Variants in RASGRF1 observed in about 807,000 individuals in gnomAD.
RASGRF1 encodes the protein Ras protein specific guanine nucleotide releasing factor 1.
A neutral mutation model predicts 138.7 loss-of-function variants in RASGRF1; 40 were observed. The observed-to-expected ratio is 0.29, with a 90% confidence interval of 0.22 to 0.38. The LOEUF is 0.38. Among genes scored for constraint, RASGRF1 ranks in the 10% least tolerant of loss-of-function variants. The pLI, the probability that RASGRF1 is intolerant of heterozygous loss-of-function variation, is 1.00. For missense variants in RASGRF1, 1,108 were observed against 1,650.4 expected, an observed-to-expected ratio of 0.67 and a Z score of 5.69; for synonymous variants, 614 against 663.2, an observed-to-expected ratio of 0.93 and a Z score of 1.14.
intron 1 of RASGRF1, 109 bp from the exon 2 acceptor site, chr15:79,064,635 G>C: frequency 1.0e-6 from 1 of 986,010 alleles, no homozygotes; most frequent in South Asian, 1.3e-5. Context: ...ACATCAGCTA[G>C]GCACAGATTC....
intron 26 of RASGRF1, among the ~76,000 whole-genome samples, chr15:78,970,461 C>A (rs964658381): frequency 2.0e-5 from 3 of 151,766 alleles, no homozygotes; most frequent in Admixed American, 1.3e-4. Context: ...ATTACATAAC[C>A]TCCTTTCAGG....
intron 1 of RASGRF1, 21 bp from the exon 2 acceptor site, chr15:79,064,547 C>G (rs749382661): frequency 1.2e-6 from 2 of 1,605,694 alleles, no homozygotes; most frequent in East Asian, 4.5e-5. Flanking sequence ...AAGAAGACAT[C>G]TCCAATTACC....
chr15:79,058,633 A>G lies in RASGRF1; in HGVS notation c.384-152T>C, dbSNP rs565693250. On this transcript the variant is annotated intron_variant, in intron 2 of 26. Coordinates refer to ENST00000558480, the MANE Select transcript of RASGRF1 (RefSeq NM_001145648.3). ...ACCCTGCAGAGTGAGAGGGCTTGGC[A>G]GGGTAGAGGTGGGGGCAGTCCAGGC... is the stretch of plus-strand genomic sequence containing the variant. The G allele has an allele frequency of 2.9e-5, 31 of 1,067,830 alleles. No homozygotes were observed. The African/African-American group carries it at 4.9e-4, about 17-fold the overall frequency. 66.1% of individuals were successfully genotyped at this position (1,067,830 alleles called of 1,614,324 possible).
In RASGRF1 at chr15:79,019,114, G is replaced by A. The variant is rs562314953; in HGVS notation, c.1606+927C>T. Among the ~76,000 whole-genome samples, 6 of 152,114 alleles carry A rather than the reference G, an allele frequency of 3.9e-5. No individual in the cohort carries two copies. The East Asian group carries it at 1.2e-3, about 29-fold the overall frequency. ...CAAGCGTGTGTGTGGCAACCCCCAGGCCCATGCCCATCCCCATGCCATGCT... is the reference window on the plus strand; with the variant it reads ...CAAGCGTGTGTGTGGCAACCCCCAGACCCATGCCCATCCCCATGCCATGCT... On this transcript the variant is annotated intron_variant, in intron 11 of 26. Coordinates refer to ENST00000558480, the MANE Select transcript of RASGRF1 (RefSeq NM_001145648.3).
At chr15:78,979,014 C>CGGT (rs1567437901) in intron 24 of RASGRF1, 5 of 1,293,504 alleles carry the variant, frequency 3.9e-6, no homozygotes, top group Non-Finnish European at 5.0e-6. Context: ...GTGGAGGCAG[C>CGGT]GGTGGTGGCG....
chr15:79,022,854 G>T (rs2056980774), intron 10 of RASGRF1, among the ~76,000 whole-genome samples: 1 of 152,206 alleles, frequency 6.6e-6, no homozygotes, highest in Admixed American at 6.5e-5. Flanking sequence ...TGGAAGAATG[G>T]TTTATCTGAT....
rs191823679 is a variant in RASGRF1, at chr15:78,989,853, A to G, written c.3216+336T>C. On this transcript the variant is annotated intron_variant, in intron 22 of 26. Transcript: ENST00000558480. ...TTCCCTTCTGTTCTCTTTGCCACAGACTCCGCAAAAACCCTGCTCCGAGGA... is the reference window on the plus strand; with the variant it reads ...TTCCCTTCTGTTCTCTTTGCCACAGGCTCCGCAAAAACCCTGCTCCGAGGA... 1.8e-4 allele frequency among the ~76,000 whole-genome samples: 28 copies of G among 152,114 alleles called. 1 individual carries two copies. The highest frequency in any genetic ancestry group is 1.6e-3 in the Admixed American group (25 of 15,282).
In RASGRF1 at chr15:79,027,955, C is replaced by G. The variant is rs530586272; in HGVS notation, c.1263-96G>C. ...CTTCTGGCCAGACCTAGGAAGAAAG[C>G]CTGGCACAAGGATTCTCAGGTGGAG... On this transcript the variant is annotated intron_variant, in intron 8 of 26. Transcript: ENST00000558480. The surrounding 1 kb of genome is among the most constrained non-coding windows in gnomAD (Gnocchi z 4.8). The G allele has an allele frequency of 8.0e-7, 1 of 1,253,510 alleles. No homozygotes were observed. The highest frequency in any genetic ancestry group is 1.7e-5 in the Admixed American group (1 of 57,208). The allele number at this position is 1,253,510 out of a possible 1,614,324, so 77.6% of individuals were successfully genotyped here.
intron 3 of RASGRF1, among the ~76,000 whole-genome samples, chr15:79,057,683 A>G (rs2057528828): frequency 2.6e-5 from 4 of 152,208 alleles, no homozygotes; most frequent in Admixed American, 2.6e-4. Context: ...CTGGGCTGTT[A>G]AACTGTAGAT....
intron 13 of RASGRF1, among the ~76,000 whole-genome samples, chr15:79,013,454 T>C (rs2056830988): frequency 6.6e-6 from 1 of 152,266 alleles, no homozygotes; most frequent in Admixed American, 6.5e-5. Context: ...TCATCAGACT[T>C]GACTTCAGAG....
At chr15:78,988,099 A>G (rs2056198651) in intron 22 of RASGRF1, among the ~76,000 whole-genome samples, 1 of 152,260 alleles carries the variant, frequency 6.6e-6, no homozygotes, top group African/African-American at 2.4e-5. Flanking sequence ...CCAGGTCGTT[A>G]CAAGGGCAGC....
intron 16 of RASGRF1, 83 bp from the exon 17 acceptor site, chr15:78,999,996 G>A (rs531344727): frequency 6.8e-7 from 1 of 1,470,706 alleles, no homozygotes; most frequent in Admixed American, 1.8e-5. Flanking sequence ...CCCGAGGCTA[G>A]AGCAGCCTTA....
chr15:79,090,184 C>G, intron 1 of RASGRF1, 39 bp downstream of exon 1: 1 of 1,547,748 alleles, frequency 6.5e-7, no homozygotes, highest in Non-Finnish European at 8.7e-7. Flanking sequence ...AGGGCCGCGG[C>G]CGGGACGCAG....
rs7166598 is a variant in RASGRF1, at chr15:79,050,327, T to C, written c.532-739A>G. Among the ~76,000 whole-genome samples, 44,787 of 152,164 alleles carry C rather than the reference T, an allele frequency of 0.29. 6,794 individuals carry two copies. The highest frequency in any genetic ancestry group is 0.38 in the Middle Eastern group (112 of 294). The stretch of plus-strand genomic sequence containing the variant: ...CTTCCATGTTGCAGCGTGGGTCAAT[T>C]TCCTTCCCTTTCAAGGCCAAGCAAT... On this transcript the variant is annotated intron_variant, in intron 3 of 26. Transcript: ENST00000558480. This position sits in a 1 kb window ranked among gnomAD's most constrained non-coding sequence, Gnocchi z 4.1.
rs1168859486 is a variant in RASGRF1, at chr15:79,059,475, A to T, written c.384-994T>A. Among the ~76,000 whole-genome samples the T allele has an allele frequency of 2.0e-5, 3 of 147,828 alleles. No homozygotes were observed. In the East Asian group the frequency reaches 6.0e-4, roughly 30 times the overall value. On this transcript the variant is annotated intron_variant, in intron 2 of 26. Coordinates refer to ENST00000558480, the MANE Select transcript of RASGRF1 (RefSeq NM_001145648.3). ...TTCTATCCCCCCTCGTGCAGGTGCA[A>T]TCTTTACAGACTCACAGACTCTCAG...
intron 1 of RASGRF1, among the ~76,000 whole-genome samples, chr15:79,086,434 T>C (rs1041934698): frequency 5.3e-5 from 8 of 152,098 alleles, no homozygotes; most frequent in Non-Finnish European, 8.8e-5. Context: ...GTAAAATGAG[T>C]GTACTCATTA....
intron 5 of RASGRF1, among the ~76,000 whole-genome samples, chr15:79,042,148 A>G (rs564529876): frequency 1.3e-5 from 2 of 152,344 alleles, no homozygotes; most frequent in South Asian, 2.1e-4. Flanking sequence ...GAAGTACACA[A>G]TTAACACCCT....
At chr15:79,047,190 G>A (rs2057366422) in intron 4 of RASGRF1, among the ~76,000 whole-genome samples, 191 bp from the exon 5 acceptor site, 1 of 152,226 alleles carries the variant, frequency 6.6e-6, no homozygotes, top group Admixed American at 6.5e-5. Context: ...AAGTTGTTTG[G>A]TTGCCCTGAG....
intron 6 of RASGRF1, among the ~76,000 whole-genome samples, chr15:79,033,231 C>T (rs564720139): frequency 6.6e-6 from 1 of 152,136 alleles, no homozygotes; most frequent in African/African-American, 2.4e-5. Flanking sequence ...TCATGTGAAA[C>T]ATCTTCCTTA....
Sources: gnomAD v4.1 joint callset for allele counts (sites outside exome capture counted in the v4.1 genomes callset) on GRCh38, gnomAD v4.1.1 for gene constraint, Gnocchi (gnomAD v3.1) non-coding constraint, MANE v1.5 for transcripts, NCBI Gene and HGNC (gene_info 2026-07-23, HGNC 2026-07-21) for gene names.